RPS6KA2: variants seen among roughly 807,000 people sequenced by gnomAD.
RPS6KA2 encodes ribosomal protein S6 kinase A2, also known as ribosomal protein S6 kinase alpha-2.
RPS6KA2 carries 42 observed loss-of-function variants against 91.8 expected under a neutral mutation model. That is an observed-to-expected ratio of 0.46 (90% CI 0.36 to 0.59). The LOEUF (loss-of-function observed/expected upper bound fraction) is 0.59. Ranked by LOEUF, RPS6KA2 falls within the 20% of genes least tolerant of loss-of-function variation. The pLI, the probability that RPS6KA2 is intolerant of heterozygous loss-of-function variation, is 0.00. For synonymous variants in RPS6KA2, 414 were observed against 393.6 expected (o/e 1.05, Z -0.61); for missense variants, 798 against 978.5 (o/e 0.82, Z 2.46).
chr6:166,440,084 C>G (rs1779471563), intron 14 of RPS6KA2: 1 of 152,230 alleles, frequency 6.6e-6, no homozygotes, highest in African/African-American at 2.4e-5. Context: ...TTTCAGAATT[C>G]TGACATCCAG....
Position 166,642,130 on chromosome 6 carries a change from GA to G in RPS6KA2, c.124-103347del, listed in dbSNP as rs571804441. ...TTAAATATTTGAAATACCAAAAACC[GA>G]AAAAAAAAATCTCTCCAGAGCAACC... On this transcript the variant is annotated intron_variant, in intron 2 of 21. Coordinates refer to the RPS6KA2 transcript ENST00000503859. Among the ~76,000 whole-genome samples the G allele has an allele frequency of 1.1e-3, 169 of 148,164 alleles. 1 individual carries two copies. The highest frequency in any genetic ancestry group is 8.7e-3 in the Admixed American group (131 of 14,978).
chr6:166,730,700 T>C (rs1259503401), intron 2 of RPS6KA2, among the ~76,000 whole-genome samples: 1 of 152,212 alleles, frequency 6.6e-6, no homozygotes, highest in African/African-American at 2.4e-5. Context: ...AAAAAGACTC[T>C]AATAAATATA....
At chr6:166,743,198 C>T (rs1260540064) in intron 2 of RPS6KA2, among the ~76,000 whole-genome samples, 1 of 52,524 alleles carries the variant, frequency 1.9e-5, no homozygotes, top group Non-Finnish European at 2.9e-5. Context: ...CAAACTGTCA[C>T]CAAAACACGG....
intron 2 of RPS6KA2, among the ~76,000 whole-genome samples, chr6:166,652,644 T>C (rs1787886759): frequency 6.6e-6 from 1 of 152,144 alleles, no homozygotes; most frequent in South Asian, 2.1e-4. Flanking sequence ...AACTCTGATC[T>C]CTTGTTGTTA....
chr6:166,508,199 T>C lies in RPS6KA2; in HGVS notation c.459+4A>G. On this transcript the variant is annotated splice_donor_region_variant and intron_variant, in intron 5 of 20. Transcript: ENST00000265678. The surrounding 1 kb of genome is among the most constrained non-coding windows in gnomAD (Gnocchi z 4.3). ...CCCTCCTGTGTGATGTGGCGGCTGC[T>C]CACCTCTTTGGAGAGCCGGGTGAAG... 1 of 1,603,030 alleles carries C rather than the reference T, an allele frequency of 6.2e-7. No individual in the cohort carries two copies. The highest frequency in any genetic ancestry group is 8.5e-7 in the Non-Finnish European group (1 of 1,170,400).
chr6:166,681,143 G>C (rs779673413), intron 2 of RPS6KA2, among the ~76,000 whole-genome samples: 20 of 152,228 alleles, frequency 1.3e-4, no homozygotes, highest in Non-Finnish European at 2.4e-4. Context: ...CACAGATCTA[G>C]CCACAACGTG....
At chr6:166,534,827 C>A (rs527238544) in intron 2 of RPS6KA2, among the ~76,000 whole-genome samples, 1 of 152,254 alleles carries the variant, frequency 6.6e-6, no homozygotes, top group Non-Finnish European at 1.5e-5. Context: ...CGAATTCCTG[C>A]AGCAGGTGCT....
intron 2 of RPS6KA2, among the ~76,000 whole-genome samples, chr6:166,812,624 G>A (rs1365732606): frequency 2.0e-5 from 3 of 152,100 alleles, no homozygotes; most frequent in Non-Finnish European, 2.9e-5. Context: ...GTGGCCACGT[G>A]GCCTCAAGCT....
chr6:166,702,961 A>G, intron 2 of RPS6KA2: 1 of 572,578 alleles, frequency 1.7e-6, no homozygotes, highest in Non-Finnish European at 3.1e-6. Flanking sequence ...ATACACAAAC[A>G]CAGTAAGAAC....
chr6:166,604,972 T>C (rs796354980), intron 1 of RPS6KA2, among the ~76,000 whole-genome samples: 3 of 152,118 alleles, frequency 2.0e-5, no homozygotes, highest in East Asian at 3.9e-4. Flanking sequence ...AAGTCTCTAA[T>C]AGACATTCCT....
intron 1 of RPS6KA2, among the ~76,000 whole-genome samples, chr6:166,552,999 G>T (rs1464597122): frequency 1.3e-5 from 2 of 152,184 alleles, no homozygotes; most frequent in African/African-American, 4.8e-5. Flanking sequence ...CATCTGAATG[G>T]TTTATTATCA....
chr6:166,708,661 G>A (rs771843622), intron 2 of RPS6KA2, among the ~76,000 whole-genome samples: 11 of 152,160 alleles, frequency 7.2e-5, no homozygotes, highest in South Asian at 2.1e-4. Flanking sequence ...GAGAGTTCTC[G>A]TCACCAGGCA....
intron 2 of RPS6KA2, among the ~76,000 whole-genome samples, chr6:166,667,307 C>T (rs1185422441): frequency 6.6e-6 from 1 of 152,140 alleles, no homozygotes; most frequent in South Asian, 2.1e-4. Context: ...AATGTAACTG[C>T]AGTATATGTG....
intron 19 of RPS6KA2, among the ~76,000 whole-genome samples, chr6:166,417,060 A>G (rs1002263723): frequency 6.6e-6 from 1 of 152,170 alleles, no homozygotes; most frequent in African/African-American, 2.4e-5. Flanking sequence ...CTGGATTATG[A>G]TTTACTATTG....
chr6:166,567,606 AGAG>A (rs1784542057), intron 1 of RPS6KA2, among the ~76,000 whole-genome samples: 1 of 152,194 alleles, frequency 6.6e-6, no homozygotes, highest in Non-Finnish European at 1.5e-5. Flanking sequence ...CTTAAAACAG[AGAG>A]TAGTAAATCG....
chr6:166,763,688 G>T (rs1052851450), intron 2 of RPS6KA2, among the ~76,000 whole-genome samples: 1 of 152,216 alleles, frequency 6.6e-6, no homozygotes, highest in Non-Finnish European at 1.5e-5. Context: ...TCCCTGTACA[G>T]ATAAGAGCAT....
intron 2 of RPS6KA2, among the ~76,000 whole-genome samples, chr6:166,686,965 T>G (rs1409772608): frequency 6.6e-6 from 1 of 152,214 alleles, no homozygotes; most frequent in Non-Finnish European, 1.5e-5. Context: ...CCGGAGGGAC[T>G]GACTGGGTGC....
At chr6:166,656,408 G>C (rs558690234) in intron 2 of RPS6KA2, among the ~76,000 whole-genome samples, 2 of 152,184 alleles carry the variant, frequency 1.3e-5, no homozygotes, top group Non-Finnish European at 2.9e-5. Context: ...AGGGTTGGGC[G>C]GGGGTGGAAC....
intron 1 of RPS6KA2, among the ~76,000 whole-genome samples, chr6:166,615,683 TG>T (rs1227581698): frequency 6.6e-6 from 1 of 152,198 alleles, no homozygotes; most frequent in Non-Finnish European, 1.5e-5. Context: ...GTGCAGGTGC[TG>T]GAATGAGATA....
Sources: allele counts gnomAD v4.1 joint callset (sites outside exome capture counted in the v4.1 genomes callset), GRCh38; gene constraint gnomAD v4.1.1; non-coding constraint Gnocchi (gnomAD v3.1); transcripts MANE v1.5; gene names NCBI Gene and HGNC (gene_info 2026-07-23, HGNC 2026-07-21).